Variants in DENND3 observed in about 807,000 individuals in gnomAD.
DENND3 encodes DENN domain containing 3, also known as DENN domain-containing protein 3.
DENND3 carries 88 observed loss-of-function variants against 135.1 expected under a neutral mutation model. The ratio of observed to expected loss-of-function variants is 0.65; its 90% CI spans 0.55 to 0.78. The LOEUF is 0.78. Ranked by LOEUF, DENND3 falls within the 30% of genes least tolerant of loss-of-function variation. The pLI is 0.00. For missense variants in DENND3, 1,392 were observed against 1,688.4 expected, an observed-to-expected ratio of 0.82 and a Z score of 3.08; for synonymous variants, 693 against 712.3, an observed-to-expected ratio of 0.97 and a Z score of 0.43.
At chr8:141,135,677 C>T (rs1589531749) in intron 1 of DENND3, among the ~76,000 whole-genome samples, 1 of 152,306 alleles carries the variant, frequency 6.6e-6, no homozygotes, top group South Asian at 2.1e-4. Flanking sequence ...TAGCTCTGTA[C>T]TAGGAGCTGT....
intron 8 of DENND3, chr8:141,157,608 C>T (rs568629594): frequency 2.0e-6 from 2 of 985,958 alleles, no homozygotes; most frequent in Non-Finnish European, 2.4e-6. Flanking sequence ...TTCTCTTCGC[C>T]TTCCTTTGTC....
In DENND3 at chr8:141,152,536, C is replaced by T. The variant is rs114808199; in HGVS notation, c.1074+699C>T. Among the ~76,000 whole-genome samples the T allele has an allele frequency of 4.6e-5, 7 of 152,284 alleles. No homozygotes were observed. The South Asian group carries it at 6.2e-4, about 14-fold the overall frequency. On this transcript the variant is annotated intron_variant, in intron 7 of 22. Coordinates refer to ENST00000519811, the MANE Select transcript of DENND3 (RefSeq NM_001352890.3). The stretch of plus-strand genomic sequence containing the variant: ...TTCACGTCATGGCTTTGAGACTCCT[C>T]CACGTGGTAGCATCTCTCAGCCCTT...
Position 141,166,805 on chromosome 8 carries a change from AG to A in DENND3, c.1753+419del, listed in dbSNP as rs1162695493. ...CCTGCCCTCGTGGAGCTGGCATTCC[AG>A]GGCCAGGGCTAAAGTGAGCAGGGCC... is the stretch of plus-strand genomic sequence containing the variant. On this transcript the variant is annotated intron_variant, in intron 12 of 22. Coordinates refer to ENST00000519811, the MANE Select transcript of DENND3 (RefSeq NM_001352890.3). This position sits in a 1 kb window ranked among gnomAD's most constrained non-coding sequence, Gnocchi z 4.3. Among the ~76,000 whole-genome samples the A allele has an allele frequency of 1.3e-5, 2 of 152,158 alleles. No homozygotes were observed. The highest frequency in any genetic ancestry group is 2.9e-5 in the Non-Finnish European group (2 of 68,026).
intron 8 of DENND3, among the ~76,000 whole-genome samples, chr8:141,160,370 G>T (rs2154613058): frequency 6.6e-6 from 1 of 152,080 alleles, no homozygotes; most frequent in East Asian, 1.9e-4. Context: ...GTAGAGAATG[G>T]GTTTCACCAT....
At chr8:141,150,078 T>C (rs1818601351) in intron 5 of DENND3, among the ~76,000 whole-genome samples, 1 of 152,244 alleles carries the variant, frequency 6.6e-6, no homozygotes, top group African/African-American at 2.4e-5. Context: ...TCTGTTTCCC[T>C]GTGCTTTGCT....
At position 141,155,854 on chromosome 8, in the gene DENND3, C is replaced by T. The variant is rs756134972; in HGVS notation, c.1080C>T (p.Ala360=). The change falls in exon 8 of 23, where the codon GCC becomes GCT. Residue 360 remains alanine, a synonymous_variant. Coordinates refer to ENST00000519811, the MANE Select transcript of DENND3 (RefSeq NM_001352890.3). The part of the protein sequence containing the change: ...LDHFEEVSKE[A]DGLVLINIDH... ...GATGATTCCTTGTTTTCTAGGAAGC[C>T]GACGGTTTAGTTCTGATAAATATTG... The T allele has an allele frequency of 2.4e-5, 38 of 1,583,604 alleles. No individual in the cohort carries two copies. The highest frequency in any genetic ancestry group is 1.5e-4 in the South Asian group (13 of 86,424).
In DENND3 at chr8:141,194,691, C is replaced by T. The variant is rs1196638202; in HGVS notation, c.*458C>T. 6.1e-6 allele frequency: 1 copy of T among 164,260 alleles called. No homozygotes were observed. Among genetic ancestry groups the T allele is most frequent in the Non-Finnish European group, 1.3e-5 (1 of 74,176 alleles). The allele number at this position is 164,260 out of a possible 1,614,324, so 10.2% of individuals were successfully genotyped here. The stretch of plus-strand genomic sequence containing the variant: ...GAGGAACACTGGGCTGAGCACATGA[C>T]AGGGAGCCTGGAGCCCCGGGGCCTC... On this transcript the variant is annotated 3_prime_UTR_variant, in exon 23 of 23. Coordinates refer to ENST00000519811, the MANE Select transcript of DENND3 (RefSeq NM_001352890.3).
chr8:141,154,633 G>C lies in DENND3; in HGVS notation c.1075-1216G>C, dbSNP rs1819225037. ...GCTGGAGTGCAATGGCACGATCTCA[G>C]CTCACTGCAACCTCCGCCTCCTGGG... On this transcript the variant is annotated intron_variant, in intron 7 of 22. Coordinates refer to ENST00000519811, the MANE Select transcript of DENND3 (RefSeq NM_001352890.3). This position sits in a 1 kb window ranked among gnomAD's most constrained non-coding sequence, Gnocchi z 4.4. 6.6e-6 allele frequency among the ~76,000 whole-genome samples: 1 copy of C among 151,570 alleles called. No homozygotes were observed. Among genetic ancestry groups the C allele is most frequent in the African/African-American group, 2.4e-5 (1 of 41,158 alleles).
chr8:141,192,789 C>T (rs1199814267), intron 22 of DENND3, 126 bp downstream of exon 22: 14 of 1,590,480 alleles, frequency 8.8e-6, no homozygotes, highest in Non-Finnish European at 1.2e-5. Flanking sequence ...TCAGGGTTCC[C>T]CTCCTAACAG....
intron 6 of DENND3, 24 bp from the exon 7 acceptor site, chr8:141,151,595 C>T: frequency 1.3e-6 from 2 of 1,599,904 alleles, no homozygotes; most frequent in Non-Finnish European, 1.7e-6. Context: ...AGCATGTACT[C>T]AGTGCGGCGG....
chr8:141,192,981 G>T, intron 22 of DENND3: 2 of 1,087,482 alleles, frequency 1.8e-6, no homozygotes, highest in South Asian at 1.6e-5. Context: ...CGCTTCCCTC[G>T]GGGGCTCGGG....
At chr8:141,179,773 G>A (rs73713350) in intron 16 of DENND3, among the ~76,000 whole-genome samples, 8 of 152,296 alleles carry the variant, frequency 5.3e-5, no homozygotes, top group African/African-American at 1.2e-4. Flanking sequence ...GACGTGTGTC[G>A]GTTTCTTCAT....
At chr8:141,152,911 G>A in intron 7 of DENND3, among the ~76,000 whole-genome samples, 1 of 152,154 alleles carries the variant, frequency 6.6e-6, no homozygotes, top group East Asian at 1.9e-4. Flanking sequence ...GCCAGCGCTG[G>A]TTGTTGTCTG....
chr8:141,149,514 T>C (rs1316082035), intron 5 of DENND3, among the ~76,000 whole-genome samples: 5 of 152,248 alleles, frequency 3.3e-5, no homozygotes, highest in Non-Finnish European at 7.3e-5. Flanking sequence ...TTAATTAAAG[T>C]AAGGAGGAAC....
chr8:141,193,922 A>G, intron 22 of DENND3, 111 bp from the exon 23 acceptor site: 1 of 1,210,278 alleles, frequency 8.3e-7, no homozygotes, highest in Non-Finnish European at 1.2e-6. Flanking sequence ...CCTGTCCAGG[A>G]AGGACATAGA....
chr8:141,145,829 ATATATATATATATATATATATGTATT>A (rs1458111336), intron 5 of DENND3, among the ~76,000 whole-genome samples: 2 of 36,428 alleles, frequency 5.5e-5, no homozygotes, highest in African/African-American at 3.0e-4. Flanking sequence ...ATATATATAT[ATATATATATATATATATATATGTATT>A]TTTTTTTTTT....
chr8:141,185,465 C>A, intron 18 of DENND3, 187 bp downstream of exon 18: 2 of 669,166 alleles, frequency 3.0e-6, no homozygotes, highest in Non-Finnish European at 4.8e-6. Context: ...CAAACTTCTA[C>A]TTACACGTCC....
At position 141,175,158 on chromosome 8, in the gene DENND3, T is replaced by A. The variant is rs564930461; in HGVS notation, c.2276-42T>A. ...AGAAGCCCTTGGGGCTCCCGAGGTA[T>A]GTGGCTGTAAGATACCTCTCTTTTC... On this transcript the variant is annotated intron_variant, in intron 13 of 22. Coordinates refer to ENST00000519811, the MANE Select transcript of DENND3 (RefSeq NM_001352890.3). The surrounding 1 kb of genome is among the most constrained non-coding windows in gnomAD (Gnocchi z 5.4). 29 of 1,577,678 alleles carry A rather than the reference T, an allele frequency of 1.8e-5. No homozygotes were observed. In the East Asian group the frequency reaches 4.0e-4, roughly 22 times the overall value.
Position 141,166,726 on chromosome 8 carries a change from C to T in DENND3, c.1753+337C>T, listed in dbSNP as rs1820846475. On this transcript the variant is annotated intron_variant, in intron 12 of 22. Coordinates refer to ENST00000519811, the MANE Select transcript of DENND3 (RefSeq NM_001352890.3). This position sits in a 1 kb window ranked among gnomAD's most constrained non-coding sequence, Gnocchi z 4.3. ...ACACATCCACACGTGTGATAGGAGG[C>T]AGGGAGCGCACCAGGCACTTTCTAG... Among the ~76,000 whole-genome samples the T allele has an allele frequency of 6.6e-6, 1 of 152,142 alleles. No homozygotes were observed.
Sources: gnomAD v4.1 joint callset for allele counts (sites outside exome capture counted in the v4.1 genomes callset) on GRCh38, gnomAD v4.1.1 for gene constraint, Gnocchi (gnomAD v3.1) non-coding constraint, MANE v1.5 for transcripts, NCBI Gene and HGNC (gene_info 2026-07-23, HGNC 2026-07-21) for gene names.